The following MTERF4 variants were observed in gnomAD, a reference collection of about 807,000 sequenced individuals.
MTERF4 encodes mitochondrial transcription termination factor 4.
A neutral mutation model predicts 22.5 loss-of-function variants in MTERF4; 17 were observed. That is an observed-to-expected ratio of 0.75 (90% confidence interval 0.52 to 1.13). The LOEUF is 1.13. Among genes scored for constraint, MTERF4 ranks in the 50% most tolerant of loss-of-function variants. MTERF4 has a pLI of 0.00. For synonymous variants in MTERF4, 165 were observed against 175.3 expected (o/e 0.94, Z 0.47); for missense variants, 420 against 466.8 (o/e 0.90, Z 0.92).
In MTERF4 at chr2:241,096,177, C is replaced by T; in HGVS notation, c.967G>A (p.Glu323Lys). ...FQVFKKLLAR[E>K]EEESESSTSD... is the part of the protein sequence containing the mutation. The stretch of plus-strand genomic sequence containing the variant: ...GTGCTGCTCTCAGACTCCTCCTCCT[C>T]CCGAGCCAGGAGCTTCTTAAAAACT... The change falls in exon 4 of 4, where the codon GAG (glutamate) becomes AAG (lysine). Residue 323 changes from glutamate to lysine, a missense_variant. By Grantham distance (56) the Glu-to-Lys change is moderately conservative (BLOSUM62 1). Transcript: ENST00000391980. The surrounding 1 kb of genome is among the most constrained non-coding windows in gnomAD (Gnocchi z 5.1). 6.2e-7 allele frequency: 1 copy of T among 1,614,136 alleles called. No homozygotes were observed. Among genetic ancestry groups the T allele is most frequent in the Non-Finnish European group, 8.5e-7 (1 of 1,180,026 alleles).
the MTERF4 span, chr2:241,051,792 G>A: frequency 6.4e-7 from 1 of 1,559,020 alleles, no homozygotes; most frequent in South Asian, 1.2e-5. This position sits in a 1 kb window ranked among gnomAD's most constrained non-coding sequence, Gnocchi z 4.7. Flanking sequence ...GGGGGCACGT[G>A]CAAGGAGGCG....
downstream of MTERF4, chr2:241,069,972 C>T (rs1174371126): frequency 5.6e-6 from 9 of 1,612,894 alleles, no homozygotes; most frequent in Non-Finnish European, 7.6e-6. This position sits in a 1 kb window ranked among gnomAD's most constrained non-coding sequence, Gnocchi z 4.9. Flanking sequence ...CCACCTCTGC[C>T]CACGTGGTCT....
chr2:241,067,437 C>T (rs149930095), downstream of MTERF4, among the ~76,000 whole-genome samples: 175 of 152,350 alleles, frequency 1.1e-3, 1 homozygote, highest in African/African-American at 4.0e-3. Context: ...CCGGGTTACT[C>T]ATGTCCAGAG....
At chr2:241,088,562 G>A, downstream of MTERF4, 1 of 638,562 alleles carries the variant, frequency 1.6e-6, no homozygotes, top group South Asian at 1.8e-5. Flanking sequence ...GGGCAGGAAG[G>A]TTCAGAAGTC....
chr2:241,047,837 T>G, the MTERF4 span, among the ~76,000 whole-genome samples: 2 of 152,072 alleles, frequency 1.3e-5, no homozygotes, highest in African/African-American at 2.4e-5. Flanking sequence ...CTCTGGTGCT[T>G]CTTGTTCTGT....
chr2:241,066,783 G>A, the MTERF4 span, among the ~76,000 whole-genome samples: 1 of 152,152 alleles, frequency 6.6e-6, no homozygotes, highest in Non-Finnish European at 1.5e-5. Context: ...AAGCCTCCTG[G>A]CCACACCTGG....
At chr2:241,087,469 C>T (rs953442240), downstream of MTERF4, 3 of 1,601,428 alleles carry the variant, frequency 1.9e-6, no homozygotes, top group Non-Finnish European at 1.7e-6. Flanking sequence ...AAGAAGACCC[C>T]AAACAGGTGC....
the MTERF4 span, chr2:241,052,181 C>T: frequency 5.0e-5 from 80 of 1,589,932 alleles, no homozygotes; most frequent in Non-Finnish European, 6.5e-5. Context: ...GAGGCCAGGC[C>T]AGGGCGGCCA....
Position 241,096,016 on chromosome 2 carries a change from G to C in MTERF4, c.1128C>G (p.Asp376Glu), listed in dbSNP as rs114631297. Reference protein sequence around the residue: ...DEAEDNDEDEDDDEEE With the variant: ...DEAEDNDEDEEDDEEE ...ATCACAGCTATTCCTCCTCGTCGTC[G>C]TCCTCATCCTCATCATTGTCCTCCG... Residue 376 changes from aspartate to glutamate, a missense_variant, in exon 4 of 4, where the codon GAC (aspartate) becomes GAG (glutamate). Transcript: ENST00000391980. The surrounding 1 kb of genome is among the most constrained non-coding windows in gnomAD (Gnocchi z 5.1). 6.2e-7 allele frequency: 1 copy of C among 1,613,552 alleles called. No homozygotes were observed. The highest frequency in any genetic ancestry group is 1.3e-5 in the African/African-American group (1 of 74,780).
At chr2:241,049,144 C>G in the MTERF4 span, 2 of 1,604,684 alleles carry the variant, frequency 1.2e-6, no homozygotes, top group Non-Finnish European at 1.7e-6. Flanking sequence ...CTGTGAGTAG[C>G]TCGGGGACGA....
chr2:241,087,616 G>A (rs113361153), downstream of MTERF4: 7,662 of 1,441,062 alleles, frequency 5.3e-3, 21 homozygotes, highest in Non-Finnish European at 6.5e-3. Context: ...CCCCTGGGCA[G>A]CCACGTTCTG....
the MTERF4 span, among the ~76,000 whole-genome samples, chr2:241,056,027 C>T: frequency 4.0e-5 from 6 of 148,978 alleles, no homozygotes; most frequent in Non-Finnish European, 5.9e-5. Flanking sequence ...TGTTCTTATA[C>T]GCACTATGTC....
the MTERF4 span, among the ~76,000 whole-genome samples, chr2:241,062,219 G>A: frequency 7.2e-5 from 11 of 152,218 alleles, no homozygotes; most frequent in Non-Finnish European, 1.5e-5. Flanking sequence ...CAAGGGAAGA[G>A]AAGGGTACAC....
At chr2:241,062,685 T>A in the MTERF4 span, 1 of 774,232 alleles carries the variant, frequency 1.3e-6, no homozygotes, top group East Asian at 2.7e-5. Flanking sequence ...CAACCACTGA[T>A]GATGTATCAT....
At position 241,096,155 on chromosome 2, in the gene MTERF4, C is replaced by A; in HGVS notation, c.989G>T (p.Ser330Ile). ...ACTTGCCCTTTTGTCATCAGATGTG[C>A]TGCTCTCAGACTCCTCCTCCTCCCG... ...LAREEEESES[S>I]TSDDKRASLD... Residue 330 changes from serine to isoleucine, a missense_variant, in exon 4 of 4, where the codon AGC (serine) becomes ATC (isoleucine). Ser to Ile is a moderately radical substitution (Grantham distance 142, BLOSUM62 -2). Coordinates refer to ENST00000391980, the MANE Select transcript of MTERF4 (RefSeq NM_182501.4). This position sits in a 1 kb window ranked among gnomAD's most constrained non-coding sequence, Gnocchi z 5.1. 2.5e-6 allele frequency: 4 copies of A among 1,614,168 alleles called. No individual in the cohort carries two copies. Among genetic ancestry groups the A allele is most frequent in the Non-Finnish European group, 3.4e-6 (4 of 1,180,038 alleles).
chr2:241,048,496 G>C, the MTERF4 span: 1 of 1,547,084 alleles, frequency 6.5e-7, no homozygotes, highest in Non-Finnish European at 8.7e-7. Flanking sequence ...GACCCAGGGA[G>C]GGCCTTCCTG....
chr2:241,057,182 C>A, the MTERF4 span, among the ~76,000 whole-genome samples: 1 of 151,208 alleles, frequency 6.6e-6, no homozygotes, highest in South Asian at 2.1e-4. Context: ...AGTTTGAGAC[C>A]AGCCTGGCCA....
At chr2:241,071,738 C>T (rs752480623), downstream of MTERF4, 10 of 1,503,870 alleles carry the variant, frequency 6.6e-6, no homozygotes, top group African/African-American at 4.2e-5. Context: ...CCCCACCCAT[C>T]GGCCCCATCG....
At chr2:241,049,749 G>A in the MTERF4 span, 39 of 1,263,610 alleles carry the variant, frequency 3.1e-5, no homozygotes, top group East Asian at 5.9e-4. Flanking sequence ...CAAGGTGCCC[G>A]CCAGCCTCTT....
Sources: allele counts gnomAD v4.1 joint callset (sites outside exome capture counted in the v4.1 genomes callset), GRCh38; gene constraint gnomAD v4.1.1; non-coding constraint Gnocchi (gnomAD v3.1); transcripts MANE v1.5; gene names NCBI Gene and HGNC (gene_info 2026-07-23, HGNC 2026-07-21).